LRP1B: variants seen among roughly 807,000 people sequenced by gnomAD.
LRP1B encodes low-density lipoprotein receptor-related protein 1B.
LRP1B carries 217 observed loss-of-function variants against 556.6 expected under a neutral mutation model. That is an observed-to-expected ratio of 0.39 (90% confidence interval 0.35 to 0.44). The LOEUF (loss-of-function observed/expected upper bound fraction) is 0.44, where lower values mean the gene tolerates loss of function less well. Among genes scored for constraint, LRP1B ranks in the 20% least tolerant of loss-of-function variants. The pLI is 1.00. For synonymous variants in LRP1B, 2,047 were observed against 1,865.8 expected, an observed-to-expected ratio of 1.10 and a Z score of -2.50; for missense variants, 5,053 against 5,620.8, an observed-to-expected ratio of 0.90 and a Z score of 3.23.
chr2:141,717,231 A>G (rs1376648653), intron 2 of LRP1B, among the ~76,000 whole-genome samples: 2 of 152,216 alleles, frequency 1.3e-5, no homozygotes, highest in Non-Finnish European at 2.9e-5. Context: ...CTATTTATTA[A>G]CTACATATTA....
At chr2:140,363,183 TC>T (rs1212108852) in intron 72 of LRP1B, among the ~76,000 whole-genome samples, 1 of 151,648 alleles carries the variant, frequency 6.6e-6, no homozygotes, top group East Asian at 1.9e-4. Flanking sequence ...GAATAAGATC[TC>T]CTTGTCAAAA....
intron 7 of LRP1B, among the ~76,000 whole-genome samples, chr2:141,132,078 C>T (rs1701372914): frequency 6.6e-6 from 1 of 151,936 alleles, no homozygotes; most frequent in Admixed American, 6.6e-5. Context: ...TGATTGAGAA[C>T]ATATGATGCC....
At chr2:141,535,211 T>A (rs555171634) in intron 2 of LRP1B, among the ~76,000 whole-genome samples, 1 of 152,288 alleles carries the variant, frequency 6.6e-6, no homozygotes, top group African/African-American at 2.4e-5. Flanking sequence ...CTCTGTGACC[T>A]GCAGTCCTTC....
At chr2:141,712,836 A>ATTTTT (rs1192189235) in intron 2 of LRP1B, among the ~76,000 whole-genome samples, 7,219 of 103,150 alleles carry the variant, frequency 0.07, 750 homozygotes, top group African/African-American at 0.17. Context: ...TGCCCAGCTA[A>ATTTTT]TTTTTTTTTT....
chr2:141,800,118 A>G (rs186488856), intron 2 of LRP1B, among the ~76,000 whole-genome samples: 6 of 152,264 alleles, frequency 3.9e-5, no homozygotes, highest in South Asian at 2.1e-4. Flanking sequence ...TAGTCACTCA[A>G]TTAAAATCTG....
At chr2:141,704,541 T>G (rs1692068549) in intron 2 of LRP1B, among the ~76,000 whole-genome samples, 1 of 151,972 alleles carries the variant, frequency 6.6e-6, no homozygotes, top group Non-Finnish European at 1.5e-5. Context: ...AATTGCTTCT[T>G]GCTCCCCACT....
chr2:140,803,508 C>T (rs1309237761), intron 32 of LRP1B, among the ~76,000 whole-genome samples: 2 of 151,718 alleles, frequency 1.3e-5, no homozygotes, highest in Non-Finnish European at 2.9e-5. Context: ...CTGTGTTAGC[C>T]AGGATGGTCT....
chr2:140,729,967 G>C (rs911627216), intron 35 of LRP1B, among the ~76,000 whole-genome samples: 1 of 152,112 alleles, frequency 6.6e-6, no homozygotes, highest in South Asian at 2.1e-4. Context: ...ACTTGTGCTT[G>C]CTCTCAACTG....
intron 6 of LRP1B, among the ~76,000 whole-genome samples, chr2:141,211,945 C>T (rs1682572360): frequency 6.6e-6 from 1 of 152,082 alleles, no homozygotes; most frequent in Non-Finnish European, 1.5e-5. Context: ...CAGCCACATG[C>T]ACACAAACAC....
chr2:140,922,043 A>G (rs1694750400), intron 21 of LRP1B, among the ~76,000 whole-genome samples: 1 of 152,086 alleles, frequency 6.6e-6, no homozygotes, highest in South Asian at 2.1e-4. Flanking sequence ...TGTTATCATG[A>G]CATCTACAGA....
chr2:141,939,339 T>C (rs1002617043), intron 1 of LRP1B, among the ~76,000 whole-genome samples: 4 of 152,008 alleles, frequency 2.6e-5, no homozygotes, highest in Non-Finnish European at 5.9e-5. Context: ...GCAGAATTAG[T>C]ACAATCAAAG....
intron 2 of LRP1B, among the ~76,000 whole-genome samples, chr2:141,683,251 A>G (rs541258286): frequency 8.5e-4 from 130 of 152,274 alleles, no homozygotes; most frequent in African/African-American, 2.8e-3. Context: ...ACAGGATTTT[A>G]AAAGCCTCCA....
At chr2:141,311,796 AT>A (rs1686823457) in intron 3 of LRP1B, among the ~76,000 whole-genome samples, 1 of 152,080 alleles carries the variant, frequency 6.6e-6, no homozygotes, top group Admixed American at 6.6e-5. Context: ...GAATAAATTT[AT>A]TTTCTTTATA....
chr2:141,898,165 T>C (rs1699509982), intron 1 of LRP1B, among the ~76,000 whole-genome samples: 1 of 152,164 alleles, frequency 6.6e-6, no homozygotes. Flanking sequence ...GATCAAACTC[T>C]GGCTTTTGTC....
chr2:141,597,149 T>C (rs1333924147), intron 2 of LRP1B, among the ~76,000 whole-genome samples: 1 of 151,972 alleles, frequency 6.6e-6, no homozygotes, highest in Non-Finnish European at 1.5e-5. Flanking sequence ...AAAGTGATTC[T>C]GACACAGACT....
chr2:141,320,941 A>C (rs1687214910), intron 3 of LRP1B, among the ~76,000 whole-genome samples: 1 of 152,122 alleles, frequency 6.6e-6, no homozygotes, highest in Admixed American at 6.6e-5. Flanking sequence ...TGTGTTTAAG[A>C]ATACTCTGTC....
chr2:140,517,606 G>C (rs1689964371), intron 49 of LRP1B, among the ~76,000 whole-genome samples: 1 of 150,714 alleles, frequency 6.6e-6, no homozygotes, highest in Non-Finnish European at 1.5e-5. Flanking sequence ...AAAAGTACCT[G>C]TATGTAAAAT....
chr2:141,818,919 A>G (rs922342749), intron 1 of LRP1B, among the ~76,000 whole-genome samples: 16 of 151,530 alleles, frequency 1.1e-4, no homozygotes, highest in Admixed American at 4.6e-4. Flanking sequence ...TCATTCACTC[A>G]AGTCTAATGG....
intron 1 of LRP1B, among the ~76,000 whole-genome samples, chr2:142,063,549 A>T (rs191266781): frequency 6.6e-6 from 1 of 151,750 alleles, no homozygotes; most frequent in African/African-American, 2.4e-5. Context: ...TATACCAGAG[A>T]CTTCTAAGTT....
Sources: gnomAD v4.1 joint callset for allele counts (sites outside exome capture counted in the v4.1 genomes callset) on GRCh38, gnomAD v4.1.1 for gene constraint, MANE v1.5 for transcripts, NCBI Gene and HGNC (gene_info 2026-07-23, HGNC 2026-07-21) for gene names.